Variants in HHLA2 observed in about 807,000 individuals in gnomAD.
The protein encoded by HHLA2 is HHLA2 member of B7 family.
A neutral mutation model predicts 45.9 loss-of-function variants in HHLA2; 48 were observed. That is an observed-to-expected ratio of 1.05 (90% CI 0.83 to 1.33). The LOEUF (loss-of-function observed/expected upper bound fraction) is 1.33. Among genes scored for constraint, HHLA2 ranks in the 40% most tolerant of loss-of-function variants. The pLI is 0.00. For missense variants in HHLA2, 462 were observed against 494.3 expected, an observed-to-expected ratio of 0.93 and a Z score of 0.62; for synonymous variants, 161 against 173.9, an observed-to-expected ratio of 0.93 and a Z score of 0.59.
chr3:108,340,554 A>C (rs559408450), intron 3 of HHLA2, among the ~76,000 whole-genome samples: 11 of 152,302 alleles, frequency 7.2e-5, no homozygotes, highest in African/African-American at 2.2e-4. Flanking sequence ...GATTTATATA[A>C]ACAGACCAAC....
exon 5 of HHLA2, chr3:108,353,490 T>C: frequency 6.2e-7 from 1 of 1,607,742 alleles, no homozygotes; most frequent in Non-Finnish European, 8.5e-7. Flanking sequence ...ATTGGAAGAC[T>C]TGATGAAGAT....
chr3:108,334,472 T>C (rs2081438302), intron 3 of HHLA2, among the ~76,000 whole-genome samples: 1 of 152,182 alleles, frequency 6.6e-6, no homozygotes, highest in African/African-American at 2.4e-5. Context: ...ATTTTAAATG[T>C]ATGAGGTAAA....
chr3:108,340,892 T>C (rs1206776692), intron 3 of HHLA2, among the ~76,000 whole-genome samples: 2 of 17,976 alleles, frequency 1.1e-4, no homozygotes, highest in Non-Finnish European at 2.0e-4. Flanking sequence ...GCCAAACTCT[T>C]TTCTTTTTTT....
intron 3 of HHLA2, among the ~76,000 whole-genome samples, chr3:108,344,598 G>T (rs1276747316): frequency 6.6e-6 from 1 of 152,198 alleles, no homozygotes; most frequent in Non-Finnish European, 1.5e-5. Flanking sequence ...GAAGCACTTG[G>T]TGTGCCATGG....
At chr3:108,303,587 A>AT (rs1187328375) in intron 1 of HHLA2, among the ~76,000 whole-genome samples, 1 of 151,912 alleles carries the variant, frequency 6.6e-6, no homozygotes, top group African/African-American at 2.4e-5. Context: ...TATTTTGTAT[A>AT]TTTTTTTCTA....
At chr3:108,326,112 T>G in intron 2 of HHLA2, 2 of 243,540 alleles carry the variant, frequency 8.2e-6, no homozygotes, top group Non-Finnish European at 1.7e-5. Context: ...CTTCGGTGTC[T>G]TTTTTTTAAT....
intron 8 of HHLA2, 150 bp from the exon 8 acceptor site, chr3:108,375,600 G>C (rs2082261187): frequency 1.2e-6 from 1 of 836,524 alleles, no homozygotes; most frequent in Non-Finnish European, 1.7e-6. Context: ...GATCAGAGCA[G>C]AAATGAAGGA....
chr3:108,307,860 T>C (rs2080956141), intron 1 of HHLA2, among the ~76,000 whole-genome samples: 1 of 152,192 alleles, frequency 6.6e-6, no homozygotes, highest in Admixed American at 6.5e-5. Context: ...GGTCTTTTTT[T>C]TTATTTTCAA....
At chr3:108,297,486 C>T (rs2080779738) in intron 1 of HHLA2, among the ~76,000 whole-genome samples, 1 of 152,182 alleles carries the variant, frequency 6.6e-6, no homozygotes, top group Non-Finnish European at 1.5e-5. Flanking sequence ...ATATTTTTCT[C>T]AGAGCCAGTT....
intron 8 of HHLA2, among the ~76,000 whole-genome samples, chr3:108,366,297 G>T (rs981221822): frequency 2.0e-5 from 3 of 152,210 alleles, no homozygotes; most frequent in African/African-American, 7.2e-5. Context: ...ATTTGCATAT[G>T]TTGAACCAGC....
Position 108,359,297 on chromosome 3 carries a change from C to G in HHLA2, c.1003+1136C>G, listed in dbSNP as rs141128158. Among the ~76,000 whole-genome samples, 550 of 152,100 alleles carry G rather than the reference C, an allele frequency of 3.6e-3. 8 individuals carry two copies. Among genetic ancestry groups the G allele is most frequent in the African/African-American group, 9.8e-3 (407 of 41,504 alleles). On this transcript the variant is annotated intron_variant, in intron 7 of 10. Coordinates refer to ENST00000619531, the Ensembl canonical transcript of HHLA2. The stretch of plus-strand genomic sequence containing the variant: ...AACATCAGGACCATTCCATCTCTGA[C>G]AAAAGAGTATTTTCAGAACCTCTCA...
intron 8 of HHLA2, among the ~76,000 whole-genome samples, chr3:108,364,536 A>G (rs555892749): frequency 6.6e-6 from 1 of 152,340 alleles, no homozygotes; most frequent in African/African-American, 2.4e-5. Flanking sequence ...GTCAAATGGT[A>G]TGTCTGGTTC....
intron 2 of HHLA2, among the ~76,000 whole-genome samples, chr3:108,320,899 G>A (rs1055970119): frequency 3.9e-5 from 6 of 152,008 alleles, no homozygotes; most frequent in African/African-American, 1.5e-4. Flanking sequence ...ATTACCCTGG[G>A]TTTCTTGCTG....
intron 3 of HHLA2, among the ~76,000 whole-genome samples, chr3:108,328,802 A>G (rs376306468): frequency 3.4e-4 from 51 of 151,952 alleles, no homozygotes; most frequent in East Asian, 1.3e-3. Context: ...GTTGTTATAT[A>G]GGGAAGGGAA....
In HHLA2 at chr3:108,353,483, G is replaced by T; in HGVS notation, c.121G>T (p.Gly41Ter). The T allele has an allele frequency of 6.2e-7, 1 of 1,605,262 alleles. No homozygotes were observed. The change falls in exon 5 of 11, where the codon GGA becomes TGA. Residue 41 changes from glycine (G) to a stop codon, truncating the protein, a stop_gained. Coordinates refer to ENST00000619531, the Ensembl canonical transcript of HHLA2. LOFTEE classifies it high-confidence loss of function. ...TCCTATGAATGAACAAATCGTCATTGGAAGACTTGATGAAGATATAATTCT... is the reference window on the plus strand; with the variant it reads ...TCCTATGAATGAACAAATCGTCATTTGAAGACTTGATGAAGATATAATTCT...
At chr3:108,366,275 T>TTACA (rs1466211720) in intron 8 of HHLA2, among the ~76,000 whole-genome samples, 3 of 152,236 alleles carry the variant, frequency 2.0e-5, no homozygotes, top group Admixed American at 6.5e-5. Context: ...ATGTGATGGA[T>TTACA]TACATTTATT....
At chr3:108,375,671 C>A (rs2082263619) in intron 8 of HHLA2, 79 bp from the exon 8 acceptor site, 2 of 1,526,350 alleles carry the variant, frequency 1.3e-6, no homozygotes, top group African/African-American at 1.4e-5. Context: ...AAGGACAGAG[C>A]CATACCAAGG....
At chr3:108,299,970 C>T (rs372285601) in intron 1 of HHLA2, among the ~76,000 whole-genome samples, 7 of 152,010 alleles carry the variant, frequency 4.6e-5, no homozygotes, top group African/African-American at 1.4e-4. Flanking sequence ...GGCGAGAAGA[C>T]GGGAAAATGA....
At chr3:108,323,458 T>G (rs1482163065) in intron 2 of HHLA2, among the ~76,000 whole-genome samples, 1 of 152,242 alleles carries the variant, frequency 6.6e-6, no homozygotes, top group East Asian at 1.9e-4. Flanking sequence ...CCCTAAATTT[T>G]TATTGAGTTA....
Sources: allele counts gnomAD v4.1 joint callset (sites outside exome capture counted in the v4.1 genomes callset), GRCh38; gene constraint gnomAD v4.1.1; transcripts MANE v1.5; gene names NCBI Gene and HGNC (gene_info 2026-07-23, HGNC 2026-07-21).